Variants in OGA observed in about 807,000 individuals in gnomAD.
The protein encoded by OGA is O-GlcNAcase.
Under a neutral mutation model 102.0 loss-of-function variants are expected in OGA, and 21 were observed. The observed-to-expected ratio is 0.21, with a 90% CI of 0.15 to 0.30. The LOEUF (loss-of-function observed/expected upper bound fraction) is 0.30. OGA is among the 10% of genes least tolerant of loss of function. The pLI, the probability that OGA is intolerant of heterozygous loss-of-function variation, is 1.00. For missense variants in OGA, 765 were observed against 1,107.8 expected (o/e 0.69, Z 4.39); for synonymous variants, 408 against 378.2 (o/e 1.08, Z -0.91).
chr10:101,800,457 A>G (rs1431649170), intron 7 of OGA, 57 bp from the exon 8 acceptor site: 1 of 1,383,876 alleles, frequency 7.2e-7, no homozygotes, highest in South Asian at 1.2e-5. Context: ...AAGCCTTCTG[A>G]CAAGTGAGAA....
At chr10:101,801,849 A>T (rs2065396641) in intron 7 of OGA, among the ~76,000 whole-genome samples, 1 of 152,228 alleles carries the variant, frequency 6.6e-6, no homozygotes, top group African/African-American at 2.4e-5. Flanking sequence ...AGGGAACTTC[A>T]AAAGTTCAGT....
chr10:101,798,800 AACC>A, intron 9 of OGA, 39 bp downstream of exon 9: 1 of 1,574,720 alleles, frequency 6.4e-7, no homozygotes, highest in South Asian at 1.2e-5. Flanking sequence ...CAGTATGGGG[AACC>A]ACCCAGGCTT....
In OGA at chr10:101,813,752, C is replaced by G. The variant is rs148414438; in HGVS notation, c.200-146G>C. The G allele has an allele frequency of 1.3e-5, 6 of 453,268 alleles. No homozygotes were observed. In the Admixed American group the frequency reaches 2.4e-4, roughly 18 times the overall value. 28.1% of individuals were successfully genotyped at this position (453,268 alleles called of 1,614,324 possible). ...AATCGGAAGGATATTTAATAAAATA[C>G]TAAGGTTCCTTTAATCTTTGGGTGG... is the stretch of plus-strand genomic sequence containing the variant. On this transcript the variant is annotated intron_variant, in intron 1 of 15. Transcript: ENST00000361464.
intron 10 of OGA, 83 bp downstream of exon 10, chr10:101,797,892 ATTCCC>A: frequency 7.5e-7 from 1 of 1,326,816 alleles, no homozygotes; most frequent in Non-Finnish European, 1.1e-6. Context: ...AAATGTGCCA[ATTCCC>A]TAAATGTTTT....
chr10:101,812,950 A>G, intron 3 of OGA, 80 bp downstream of exon 3: 1 of 1,117,786 alleles, frequency 8.9e-7, no homozygotes, highest in Non-Finnish European at 1.4e-6. Context: ...AAATGTCATA[A>G]AATTCTTGTA....
chr10:101,790,265 GT>G (rs869235919), intron 14 of OGA, among the ~76,000 whole-genome samples: 370 of 86,408 alleles, frequency 4.3e-3, no homozygotes, highest in African/African-American at 0.013. Context: ...ATAATATCTT[GT>G]TTTTTTTTTT....
rs1185344174 is a variant in OGA, at chr10:101,815,961, G to GAAAAAAAAAAAAA, written c.199+1862_199+1863insTTTTTTTTTTTTT. 2.4e-3 allele frequency among the ~76,000 whole-genome samples: 56 copies of GAAAAAAAAAAAAA among 23,788 alleles called. 17 individuals carry two copies. Among genetic ancestry groups the GAAAAAAAAAAAAA allele is most frequent in the African/African-American group, 3.8e-3 (17 of 4,514 alleles). 15.6% of individuals were successfully genotyped at this position (23,788 alleles called of 152,430 possible). On this transcript the variant is annotated intron_variant, in intron 1 of 15. Transcript: ENST00000361464. Reference sequence around the variant, plus strand: ...TGCCAACCAAGAGGTATCAAAAAGAGAGAAAAAAAAAAAAAAAAAAAAAAA... The same window carrying GAAAAAAAAAAAAA: ...TGCCAACCAAGAGGTATCAAAAAGAGAAAAAAAAAAAAAAGAAAAAAAAAAAAAAAAAAAAAAA...
chr10:101,792,512 T>A (rs2065271286), intron 12 of OGA: 1 of 186,196 alleles, frequency 5.4e-6, no homozygotes, highest in Admixed American at 5.9e-5. Context: ...ACTTCACAAT[T>A]GAAAGAAAAT....
intron 3 of OGA, chr10:101,812,692 G>A (rs905559817): frequency 9.7e-6 from 3 of 309,160 alleles, no homozygotes; most frequent in Non-Finnish European, 1.9e-5. Context: ...CCCAAGGTAC[G>A]TGCCTCACTT....
rs781280951 is a variant in OGA, at chr10:101,791,079, T to C, written c.2271A>G (p.Gly757=). The change falls in exon 14 of 16, where the codon GGA becomes GGG. Residue 757 remains glycine, a synonymous_variant. Coordinates refer to ENST00000361464, the MANE Select transcript of OGA (RefSeq NM_012215.5). ...QPDLIGDKLV[G]GLLSLSLDYC... ...AATCCAGGCTGAGGGAAAGCAGCCC[T>C]CCTACTAACCTGCTCAGAAGGAAAG... 6.2e-7 allele frequency: 1 copy of C among 1,609,016 alleles called. No homozygotes were observed. The highest frequency in any genetic ancestry group is 8.5e-7 in the Non-Finnish European group (1 of 1,178,634).
At chr10:101,811,406 GAAAAAAAAAAAAAA>G (rs67433227) in intron 3 of OGA, among the ~76,000 whole-genome samples, 6 of 45,704 alleles carry the variant, frequency 1.3e-4, no homozygotes, top group Non-Finnish European at 2.2e-4. Flanking sequence ...GAAAAAAAAT[GAAAAAAAAAAAAAA>G]AAAAAAAAAA....
intron 7 of OGA, among the ~76,000 whole-genome samples, chr10:101,802,527 G>C (rs1460604274): frequency 1.3e-5 from 2 of 152,044 alleles, no homozygotes; most frequent in Non-Finnish European, 2.9e-5. Context: ...AAATTAGCCA[G>C]GCATGGTGGC....
At chr10:101,800,088 G>A (rs2065369882) in intron 8 of OGA, among the ~76,000 whole-genome samples, 154 bp downstream of exon 8, 1 of 152,112 alleles carries the variant, frequency 6.6e-6, no homozygotes, top group African/African-American at 2.4e-5. Context: ...GGCCAGGCTG[G>A]TCTCGAACTC....
chr10:101,810,034 A>G, intron 4 of OGA, 150 bp downstream of exon 4: 2 of 799,588 alleles, frequency 2.5e-6, no homozygotes, highest in Non-Finnish European at 3.8e-6. Flanking sequence ...CGACAGAGCA[A>G]GACTCTGTCT....
At chr10:101,816,477 G>A (rs1481553716) in intron 1 of OGA, among the ~76,000 whole-genome samples, 4 of 152,172 alleles carry the variant, frequency 2.6e-5, no homozygotes, top group South Asian at 4.1e-4. Flanking sequence ...AAGGTATAAT[G>A]GACTGGCAAG....
At position 101,803,782 on chromosome 10, in the gene OGA, G is replaced by A; in HGVS notation, c.989C>T (p.Thr330Ile). 6 of 1,614,110 alleles carry A rather than the reference G, an allele frequency of 3.7e-6. No homozygotes were observed. Among genetic ancestry groups the A allele is most frequent in the Non-Finnish European group, 5.1e-6 (6 of 1,180,000 alleles). Residue 330 changes from threonine to isoleucine, a missense_variant, in exon 7 of 16, where the codon ACC (threonine) becomes ATC (isoleucine). Around this residue, in one of 7 missense-constraint regions of OGA, gnomAD observed 33 missense variants for 52.5 expected, o/e 0.63. Transcript: ENST00000361464. ...ANYVAIHTLA[T>I]WYKSNMNGVR... ...TCCATTCATGTTTGATTTGTACCAG[G>A]TGGCAAGGGTGTGGATAGCAACGTA...
intron 10 of OGA, among the ~76,000 whole-genome samples, chr10:101,795,097 A>C (rs1209390767): frequency 6.6e-6 from 1 of 152,190 alleles, no homozygotes; most frequent in East Asian, 1.9e-4. Context: ...ATAAATATGA[A>C]ACAGGGTCAA....
chr10:101,814,950 T>G (rs2065603081), intron 1 of OGA, among the ~76,000 whole-genome samples: 1 of 152,180 alleles, frequency 6.6e-6, no homozygotes, highest in African/African-American at 2.4e-5. Flanking sequence ...ACCACACACT[T>G]TACATCTTGT....
At chr10:101,793,578 C>A (rs963939048) in intron 11 of OGA, 20 of 170,004 alleles carry the variant, frequency 1.2e-4, no homozygotes, top group Non-Finnish European at 2.0e-4. Flanking sequence ...TAATTACTAT[C>A]TTTTGTTCAT....
Sources: allele counts gnomAD v4.1 joint callset (sites outside exome capture counted in the v4.1 genomes callset), GRCh38; gene constraint gnomAD v4.1.1; regional missense constraint gnomAD v4.1.1; transcripts MANE v1.5; gene names NCBI Gene and HGNC (gene_info 2026-07-23, HGNC 2026-07-21).